Variants in ENTPD7 observed in about 807,000 individuals in gnomAD.
ENTPD7 encodes the protein NTPDase 7.
Under a neutral mutation model 77.9 loss-of-function variants are expected in ENTPD7, and 53 were observed. The observed-to-expected ratio is 0.68, with a 90% confidence interval of 0.55 to 0.85. The LOEUF (loss-of-function observed/expected upper bound fraction) is 0.85, where lower values mean the gene tolerates loss of function less well. Among genes scored for constraint, ENTPD7 ranks in the 40% least tolerant of loss-of-function variants. The pLI, the probability that ENTPD7 is intolerant of heterozygous loss-of-function variation, is 0.00. For missense variants in ENTPD7, 636 were observed against 743.7 expected (o/e 0.86, Z 1.68); for synonymous variants, 248 against 274.9 (o/e 0.90, Z 0.97).
At position 99,675,329 on chromosome 10, in the gene ENTPD7, GT is replaced by G. The variant is rs370849784; in HGVS notation, c.192-3921del. On this transcript the variant is annotated intron_variant, in intron 3 of 12. Transcript: ENST00000370489. Reference sequence around the variant, plus strand: ...TTGGTAGTGATATTAATGAATGTGTGTTTTTTTTTTTAAGGATTGTAGAATG... The same window carrying G: ...TTGGTAGTGATATTAATGAATGTGTGTTTTTTTTTTAAGGATTGTAGAATG... Among the ~76,000 whole-genome samples the G allele has an allele frequency of 7.3e-3, 1,060 of 145,224 alleles. 6 individuals are homozygous for G. The highest frequency in any genetic ancestry group is 0.018 in the African/African-American group (720 of 39,764).
intron 3 of ENTPD7, among the ~76,000 whole-genome samples, chr10:99,665,185 A>G (rs1380646618): frequency 6.6e-6 from 1 of 151,548 alleles, no homozygotes; most frequent in African/African-American, 2.4e-5. Context: ...CTGGGGAGGT[A>G]GAGAATGCAG....
At chr10:99,696,849 GTGAT>G (rs2035993065) in intron 9 of ENTPD7, among the ~76,000 whole-genome samples, 1 of 152,172 alleles carries the variant, frequency 6.6e-6, no homozygotes, top group Admixed American at 6.5e-5. Flanking sequence ...AAGTAATTGG[GTGAT>G]TGATTGTGGT....
At chr10:99,685,511 C>T (rs1047289803) in intron 5 of ENTPD7, among the ~76,000 whole-genome samples, 2 of 152,122 alleles carry the variant, frequency 1.3e-5, no homozygotes, top group African/African-American at 2.4e-5. Flanking sequence ...GTCATAGAAC[C>T]GTAGTCTCAT....
In ENTPD7 at chr10:99,710,146, T is replaced by C. The variant is rs1056844; in HGVS notation, c.*5463T>C. On this transcript the variant is annotated 3_prime_UTR_variant, in exon 13 of 13. Transcript: ENST00000370489. ...ACCCTCTGGTGGCCACTCCTCCTTCTCCACTCCAAGGCAGCCCTGGTACTT... is the reference window on the plus strand; with the variant it reads ...ACCCTCTGGTGGCCACTCCTCCTTCCCCACTCCAAGGCAGCCCTGGTACTT... 2.0e-6 allele frequency: 2 copies of C among 985,210 alleles called. No individual in the cohort carries two copies. Among genetic ancestry groups the C allele is most frequent in the Non-Finnish European group, 1.2e-6 (1 of 829,920 alleles). The allele number at this position is 985,210 out of a possible 1,614,324, so 61.0% of individuals were successfully genotyped here.
At chr10:99,700,393 CGTGTGTGTGTGTGTGTGTGTATGTGTGT>C (rs1449993974) in intron 10 of ENTPD7, among the ~76,000 whole-genome samples, 2 of 103,598 alleles carry the variant, frequency 1.9e-5, no homozygotes, top group East Asian at 2.9e-4. Flanking sequence ...TCCAACGTAC[CGTGTGTGTGTGTGTGTGTGTATGTGTGT>C]GTGTGTGTGT....
chr10:99,711,049 C>T lies in ENTPD7; in HGVS notation c.*6366C>T, dbSNP rs959607481. On this transcript the variant is annotated 3_prime_UTR_variant, in exon 13 of 13. Coordinates refer to ENST00000370489, the MANE Select transcript of ENTPD7 (RefSeq NM_020354.5). ...ATTATCCATTTTCCATTCATGCATT[C>T]ACTAATTCAATATTTGATATGTGTC... is the stretch of plus-strand genomic sequence containing the variant. The T allele has an allele frequency of 3.0e-6, 3 of 984,884 alleles. No individual in the cohort carries two copies. The highest frequency in any genetic ancestry group is 1.2e-4 in the Admixed American group (2 of 16,220). The allele number at this position is 984,884 out of a possible 1,614,324, so 61.0% of individuals were successfully genotyped here.
In ENTPD7 at chr10:99,711,202, G is replaced by A; in HGVS notation, c.*6519G>A. On this transcript the variant is annotated 3_prime_UTR_variant, in exon 13 of 13. Transcript: ENST00000370489. ...GTTTTTCCAAATGTACTCATCATCTGTAATAAAAGAAAAATGAAGTAAAAC... is the reference window on the plus strand; with the variant it reads ...GTTTTTCCAAATGTACTCATCATCTATAATAAAAGAAAAATGAAGTAAAAC... 1.0e-6 allele frequency: 1 copy of A among 985,282 alleles called. No individual in the cohort carries two copies. Among genetic ancestry groups the A allele is most frequent in the Non-Finnish European group, 1.2e-6 (1 of 829,844 alleles). The allele number at this position is 985,282 out of a possible 1,614,324, so 61.0% of individuals were successfully genotyped here. A position where few individuals can be genotyped will look rare whatever the true frequency, so the allele number is the denominator to read the frequency against.
chr10:99,663,210 C>G (rs2035507383), intron 3 of ENTPD7, among the ~76,000 whole-genome samples: 1 of 152,084 alleles, frequency 6.6e-6, no homozygotes, highest in South Asian at 2.1e-4. Context: ...TTTTGCTTTC[C>G]TTTTGAAAGA....
At position 99,702,512 on chromosome 10, in the gene ENTPD7, A is replaced by AT; in HGVS notation, c.1423dup (p.Tyr475LeufsTer5). On this transcript the variant is annotated frameshift_variant and splice_region_variant, in exon 12 of 13. Transcript: ENST00000370489. LOFTEE classifies it high-confidence loss of function. ...AAATTTAATTATTTTTGTCACACAGATATCAGTGTTTTAAATCGGCTTGGA... is the reference window on the plus strand; with the variant it reads ...AAATTTAATTATTTTTGTCACACAGATTATCAGTGTTTTAAATCGGCTTGGA... 1 of 1,559,976 alleles carries AT rather than the reference A, an allele frequency of 6.4e-7. No individual in the cohort carries two copies. Among genetic ancestry groups the AT allele is most frequent in the Non-Finnish European group, 8.6e-7 (1 of 1,156,150 alleles).
At chr10:99,662,832 T>C (rs1295308466) in intron 3 of ENTPD7, among the ~76,000 whole-genome samples, 2 of 152,234 alleles carry the variant, frequency 1.3e-5, no homozygotes, top group African/African-American at 4.8e-5. Flanking sequence ...ATATGCACCC[T>C]GTGCAAGACA....
intron 3 of ENTPD7, among the ~76,000 whole-genome samples, chr10:99,675,678 C>T (rs2035673157): frequency 6.8e-6 from 1 of 147,926 alleles, no homozygotes; most frequent in Admixed American, 6.9e-5. Context: ...CTCACTGCAA[C>T]CTCTGCCTCC....
At chr10:99,666,946 AC>A (rs1246838564) in intron 3 of ENTPD7, among the ~76,000 whole-genome samples, 1 of 152,226 alleles carries the variant, frequency 6.6e-6, no homozygotes, top group Non-Finnish European at 1.5e-5. Context: ...CAATGACTGT[AC>A]CTCAATAGAG....
At chr10:99,683,019 G>A (rs2035772133) in intron 5 of ENTPD7, among the ~76,000 whole-genome samples, 2 of 152,116 alleles carry the variant, frequency 1.3e-5, no homozygotes, top group Non-Finnish European at 1.5e-5. Flanking sequence ...AACCCACTGT[G>A]TAGCTCCACC....
chr10:99,687,010 T>G (rs1329276926), intron 6 of ENTPD7, among the ~76,000 whole-genome samples: 1 of 150,216 alleles, frequency 6.7e-6, no homozygotes, highest in Non-Finnish European at 1.5e-5. Context: ...CTCCACCTCC[T>G]GGGTTCAAGC....
At chr10:99,673,495 A>T (rs575568418) in intron 3 of ENTPD7, among the ~76,000 whole-genome samples, 1 of 152,296 alleles carries the variant, frequency 6.6e-6, no homozygotes, top group East Asian at 1.9e-4. Flanking sequence ...CAGAGGGGAA[A>T]ACTGTTCTTT....
chr10:99,703,535 C>G (rs1299882185), intron 12 of ENTPD7, among the ~76,000 whole-genome samples: 1 of 152,188 alleles, frequency 6.6e-6, no homozygotes, highest in Non-Finnish European at 1.5e-5. Flanking sequence ...AAGAACACTG[C>G]AGGTCAAACC....
Position 99,702,592 on chromosome 10 carries a change from G to A in ENTPD7, c.1502G>A (p.Arg501Gln), listed in dbSNP as rs1465827116. The A allele has an allele frequency of 1.4e-5, 22 of 1,613,410 alleles. No homozygotes were observed. The highest frequency in any genetic ancestry group is 4.0e-5 in the African/African-American group (3 of 74,854). Residue 501 changes from arginine to glutamine, a missense_variant, in exon 12 of 13, where the codon CGG becomes CAG. Around this residue, in one of 3 missense-constraint regions of ENTPD7, gnomAD observed 138 missense variants for 150.9 expected, o/e 0.91. Coordinates refer to ENST00000370489, the MANE Select transcript of ENTPD7 (RefSeq NM_020354.5). ...FHFPYDYPNL[R>Q]TAQLVYDREV... ...TTTCCCTATGACTACCCAAACCTGCGGACAGCCCAGCTGGTGTATGACCGA... is the reference window on the plus strand; with the variant it reads ...TTTCCCTATGACTACCCAAACCTGCAGACAGCCCAGCTGGTGTATGACCGA...
chr10:99,704,634 T>C lies in ENTPD7; in HGVS notation c.1766T>C (p.Leu589Pro). The C allele has an allele frequency of 6.2e-7, 1 of 1,614,008 alleles. No individual in the cohort carries two copies. The change falls in exon 13 of 13, where the codon CTG (leucine) becomes CCG (proline). Residue 589 changes from leucine (L) to proline (P), a missense_variant. Around this residue, in one of 3 missense-constraint regions of ENTPD7, gnomAD observed 138 missense variants for 150.9 expected, o/e 0.91. Coordinates refer to ENST00000370489, the MANE Select transcript of ENTPD7 (RefSeq NM_020354.5). ...QTRASAPLDL[L>P]WLEEVVPMMG... ...CGAGCCTCAGCTCCATTGGACTTGC[T>C]GTGGCTTGAAGAGGTGGTGCCCATG...
intron 3 of ENTPD7, among the ~76,000 whole-genome samples, chr10:99,678,029 A>G (rs2035706507): frequency 6.6e-6 from 1 of 152,164 alleles, no homozygotes; most frequent in Non-Finnish European, 1.5e-5. Flanking sequence ...AACACAAAAT[A>G]CTAATGTCCT....
Sources: gnomAD v4.1 joint callset for allele counts (sites outside exome capture counted in the v4.1 genomes callset) on GRCh38, gnomAD v4.1.1 for gene constraint, gnomAD v4.1.1 regional missense constraint, MANE v1.5 for transcripts, NCBI Gene and HGNC (gene_info 2026-07-23, HGNC 2026-07-21) for gene names.